Variants in FOXO1 observed in about 807,000 individuals in gnomAD.
FOXO1 encodes forkhead box O1, also known as forkhead box protein O1.
Under a neutral mutation model 44.1 loss-of-function variants are expected in FOXO1, and 6 were observed. The ratio of observed to expected loss-of-function variants is 0.14; its 90% CI spans 0.07 to 0.27. The LOEUF (loss-of-function observed/expected upper bound fraction) is 0.27. Ranked by LOEUF, FOXO1 falls within the 10% of genes least tolerant of loss-of-function variation. The pLI is 1.00. For synonymous variants in FOXO1, 380 were observed against 362.7 expected, an observed-to-expected ratio of 1.05 and a Z score of -0.54; for missense variants, 737 against 888.8, an observed-to-expected ratio of 0.83 and a Z score of 2.17.
chr13:40,595,435 C>G (rs1433666234), intron 1 of FOXO1, among the ~76,000 whole-genome samples: 1 of 152,116 alleles, frequency 6.6e-6, no homozygotes, highest in African/African-American at 2.4e-5. Context: ...CCTGAGATTT[C>G]CTGGTGATAC....
chr13:40,560,729 A>G lies in FOXO1; in HGVS notation c.762T>C (p.Ala254=). 6.2e-7 allele frequency: 1 copy of G among 1,614,186 alleles called. No homozygotes were observed. The highest frequency in any genetic ancestry group is 1.1e-5 in the South Asian group (1 of 91,074). The change falls in exon 2 of 3, where the codon GCT becomes GCC. Residue 254 remains alanine (A), a synonymous_variant. Transcript: ENST00000379561. This position sits in a 1 kb window ranked among gnomAD's most constrained non-coding sequence, Gnocchi z 5.1. ...ATTTACTGTTGTTGTCCATGGATGC[A>G]GCTCTTCTCCTAGGAGATTTCCCGC... ...GKSGKSPRRR[A]ASMDNNSKFA...
At chr13:40,633,430 A>G (rs75529520) in intron 1 of FOXO1, among the ~76,000 whole-genome samples, 2,573 of 152,338 alleles carry the variant, frequency 0.017, 79 homozygotes, top group African/African-American at 0.058. Context: ...ATGGCATATT[A>G]ATTGGTAATA....
intron 1 of FOXO1, among the ~76,000 whole-genome samples, chr13:40,617,994 G>C (rs1410729347): frequency 1.3e-5 from 2 of 152,188 alleles, no homozygotes; most frequent in Non-Finnish European, 1.5e-5. Flanking sequence ...CGGCAAAACA[G>C]AAATCAACAT....
chr13:40,645,169 T>C (rs1309486174), intron 1 of FOXO1, among the ~76,000 whole-genome samples: 2 of 152,200 alleles, frequency 1.3e-5, no homozygotes, highest in African/African-American at 2.4e-5. Flanking sequence ...CATGTCACAG[T>C]AGGAAAAGGA....
intron 1 of FOXO1, among the ~76,000 whole-genome samples, chr13:40,639,523 G>A (rs992904105): frequency 7.2e-5 from 11 of 152,220 alleles, no homozygotes; most frequent in Admixed American, 3.9e-4. Context: ...TTTTCATGCA[G>A]GAAAAAAATA....
At chr13:40,603,438 TTA>T (rs928417347) in intron 1 of FOXO1, among the ~76,000 whole-genome samples, 3 of 151,838 alleles carry the variant, frequency 2.0e-5, no homozygotes, top group Non-Finnish European at 4.4e-5. Flanking sequence ...TATGTATACC[TTA>T]TATATGTGTG....
chr13:40,576,727 G>A (rs769505096), intron 1 of FOXO1, among the ~76,000 whole-genome samples: 3 of 152,132 alleles, frequency 2.0e-5, no homozygotes, highest in Non-Finnish European at 4.4e-5. Flanking sequence ...TCAAACTTAC[G>A]GCATAATCTG....
chr13:40,619,750 A>T, intron 1 of FOXO1: 1 of 888,250 alleles, frequency 1.1e-6, no homozygotes, highest in Non-Finnish European at 1.9e-6. Context: ...AGGAAGATTA[A>T]AAAATGGAAC....
intron 1 of FOXO1, among the ~76,000 whole-genome samples, chr13:40,637,321 G>A (rs563062207): frequency 1.1e-4 from 17 of 151,988 alleles, no homozygotes; most frequent in Non-Finnish European, 1.8e-4. Context: ...ACACGTGCCT[G>A]TAGTCCCAGC....
intron 1 of FOXO1, among the ~76,000 whole-genome samples, chr13:40,635,778 C>T (rs1427923990): frequency 1.3e-5 from 2 of 152,232 alleles, no homozygotes; most frequent in Non-Finnish European, 2.9e-5. Context: ...GTCCTCTCCC[C>T]TCCACTGAGG....
intron 1 of FOXO1, among the ~76,000 whole-genome samples, chr13:40,589,332 C>T (rs1467561858): frequency 6.6e-6 from 1 of 152,068 alleles, no homozygotes; most frequent in Admixed American, 6.6e-5. Context: ...CCAATCAAGG[C>T]CAACAATGAA....
At chr13:40,585,135 G>A (rs187402307) in intron 1 of FOXO1, among the ~76,000 whole-genome samples, 2,257 of 152,246 alleles carry the variant, frequency 0.015, 63 homozygotes, top group African/African-American at 0.051. Flanking sequence ...AGATATTTAT[G>A]AAAGGATGTC....
intron 1 of FOXO1, among the ~76,000 whole-genome samples, chr13:40,615,797 A>C (rs1876404527): frequency 6.6e-6 from 1 of 152,214 alleles, no homozygotes; most frequent in South Asian, 2.1e-4. Context: ...AAGGAGGCCA[A>C]GTGACCAGAG....
At chr13:40,619,405 A>G in intron 1 of FOXO1, 2 of 840,528 alleles carry the variant, frequency 2.4e-6, no homozygotes, top group Non-Finnish European at 4.0e-6. Flanking sequence ...CTTTCGGGGC[A>G]CAGGAAATGC....
chr13:40,653,127 G>C (rs1186027386), intron 1 of FOXO1, among the ~76,000 whole-genome samples: 2 of 151,888 alleles, frequency 1.3e-5, no homozygotes, highest in Non-Finnish European at 2.9e-5. Context: ...GCACCACCAC[G>C]CCTGGCTAAT....
intron 1 of FOXO1, among the ~76,000 whole-genome samples, chr13:40,606,255 G>A (rs528753149): frequency 6.6e-6 from 1 of 152,140 alleles, no homozygotes; most frequent in Non-Finnish European, 1.5e-5. Flanking sequence ...AGCCTAAAAC[G>A]GACTACTTCA....
At chr13:40,592,441 TCCAGAACA>T (rs764488789) in intron 1 of FOXO1, among the ~76,000 whole-genome samples, 20 of 152,314 alleles carry the variant, frequency 1.3e-4, no homozygotes, top group Non-Finnish European at 2.9e-4. Context: ...ATCTCAAAGT[TCCAGAACA>T]AAGCTTTTCA....
chr13:40,559,450 T>G, intron 2 of FOXO1, 59 bp downstream of exon 2: 1 of 1,455,456 alleles, frequency 6.9e-7, no homozygotes, highest in Non-Finnish European at 9.2e-7. Flanking sequence ...CAAGTTACTG[T>G]GTTCCTCGCT....
intron 1 of FOXO1, among the ~76,000 whole-genome samples, chr13:40,640,407 C>T (rs754517223): frequency 6.6e-6 from 1 of 152,212 alleles, no homozygotes; most frequent in Non-Finnish European, 1.5e-5. Context: ...CTCTAAGTAT[C>T]GTCCAAAGCA....
Sources: allele counts gnomAD v4.1 joint callset (sites outside exome capture counted in the v4.1 genomes callset), GRCh38; gene constraint gnomAD v4.1.1; non-coding constraint Gnocchi (gnomAD v3.1); transcripts MANE v1.5; gene names NCBI Gene and HGNC (gene_info 2026-07-23, HGNC 2026-07-21).